DDX56: variants seen among roughly 807,000 people sequenced by gnomAD.
The protein encoded by DDX56 is probable ATP-dependent RNA helicase DDX56.
DDX56 carries 45 observed loss-of-function variants against 61.5 expected under a neutral mutation model. The observed-to-expected ratio is 0.73, with a 90% CI of 0.58 to 0.94. DDX56 has a LOEUF of 0.94. Among genes scored for constraint, DDX56 ranks in the 40% least tolerant of loss-of-function variants. DDX56 has a pLI of 0.00. For synonymous variants in DDX56, 273 were observed against 268.3 expected, an observed-to-expected ratio of 1.02 and a Z score of -0.17; for missense variants, 708 against 690.7, an observed-to-expected ratio of 1.02 and a Z score of -0.28.
At position 44,568,261 on chromosome 7, in the gene DDX56, T is replaced by C. The variant is rs1350797148; in HGVS notation, c.1384-38A>G. Reference sequence around the variant, plus strand: ...GAGGGAGAGCCACAGAGTGAGCATCTTTCTTCTGTGACTTCACAGACCTAG... The same window carrying C: ...GAGGGAGAGCCACAGAGTGAGCATCCTTCTTCTGTGACTTCACAGACCTAG... On this transcript the variant is annotated intron_variant, in intron 11 of 13. Transcript: ENST00000258772. 4 of 1,467,638 alleles carry C rather than the reference T, an allele frequency of 2.7e-6. No individual in the cohort carries two copies. The African/African-American group carries it at 4.2e-5, about 15-fold the overall frequency. 90.9% of individuals were successfully genotyped at this position (1,467,638 alleles called of 1,614,324 possible).
intron 12 of DDX56, among the ~76,000 whole-genome samples, chr7:44,566,774 C>G (rs1044200608): frequency 6.6e-6 from 1 of 152,068 alleles, no homozygotes; most frequent in Admixed American, 6.5e-5. Context: ...GACAGACATC[C>G]TTAAAGAAAG....
chr7:44,569,959 A>AC (rs1802630893), intron 8 of DDX56, 56 bp from the exon 9 acceptor site: 1 of 1,612,746 alleles, frequency 6.2e-7, no homozygotes, highest in Admixed American at 1.7e-5. Context: ...TGTCCAGCAC[A>AC]CCCCAAGTCC....
intron 6 of DDX56, 24 bp downstream of exon 6, chr7:44,571,468 A>G: frequency 2.5e-6 from 4 of 1,611,912 alleles, no homozygotes; most frequent in Non-Finnish European, 3.4e-6. Flanking sequence ...ACTTATTTCA[A>G]CCAAGATGTT....
At chr7:44,570,560 G>C (rs77344969) in intron 7 of DDX56, among the ~76,000 whole-genome samples, 198 bp downstream of exon 7, 53 of 152,366 alleles carry the variant, frequency 3.5e-4, no homozygotes, top group African/African-American at 1.3e-3. Flanking sequence ...CCTTCGTGGT[G>C]CATGTGCAGT....
chr7:44,568,320 A>AC, intron 11 of DDX56, 97 bp from the exon 12 acceptor site: 4 of 848,446 alleles, frequency 4.7e-6, no homozygotes, highest in Non-Finnish European at 5.5e-6. Flanking sequence ...TGTGTTTCAA[A>AC]AGGCATGAGG....
chr7:44,568,903 C>T lies in DDX56; in HGVS notation c.1383G>A (p.Lys461=). Residue 461 remains lysine (K), a splice_region_variant and synonymous_variant, in exon 11 of 14, where the codon AAG becomes AAA. Transcript: ENST00000258772. ...KEELLHSEKL[K]TYFEDNPRDL... is the part of the protein sequence containing the mutation. ...CCCTTCTCACCTCCCATCCACTCAC[C>T]TTAAGCTTCTCAGAATGCAGAAGCT... is the stretch of plus-strand genomic sequence containing the variant. The T allele has an allele frequency of 1.9e-6, 3 of 1,613,310 alleles. No individual in the cohort carries two copies. Among genetic ancestry groups the T allele is most frequent in the Middle Eastern group, 1.7e-4 (1 of 6,060 alleles).
chr7:44,566,132 C>CGGGGGGGGGGGGGGGGGGGGGGGGG, intron 13 of DDX56, 53 bp from the exon 14 acceptor site: 1 of 1,036,562 alleles, frequency 9.6e-7, no homozygotes, highest in Non-Finnish European at 1.4e-6. Context: ...ACAGACAATC[C>CGGGGGGGGGGGGGGGGGGGGGGGGG]ACCCACCCAC....
chr7:44,569,150 C>A lies in DDX56; in HGVS notation c.1273G>T (p.Gly425Cys). The change falls in exon 10 of 14, where the codon GGC (glycine) becomes TGC (cysteine). Residue 425 changes from glycine to cysteine, a missense_variant. Physicochemically the swap from Gly to Cys is radical, Grantham distance 159. Transcript: ENST00000258772. ...PYQFRMEEIEGFRYRCRDAMR... is the reference protein window; with the variant it reads ...PYQFRMEEIECFRYRCRDAMR... ...CTCACCCTGCAGCGATAGCGGAAGC[C>A]CTCGATCTCCTCCATCCGGAACTGG... 1.2e-6 allele frequency: 2 copies of A among 1,614,162 alleles called. No homozygotes were observed. Among genetic ancestry groups the A allele is most frequent in the African/African-American group, 2.7e-5 (2 of 75,060 alleles).
At chr7:44,567,892 T>C in intron 12 of DDX56, 1 of 575,936 alleles carries the variant, frequency 1.7e-6, no homozygotes, top group South Asian at 2.0e-5. Context: ...CTACCTCAAT[T>C]TCCTCATCTC....
rs1802699603 is a variant in DDX56 at position 44,572,397 on chromosome 7, T to C, written c.595A>G (p.Thr199Ala). ...AGTGCTTGTACGTCCTCGTTAAAAG[T>C]AGCTGACATGAGAAAAGCCTGGTAA... ...RIYQAFLMSA[T>A]FNEDVQALKE... The change falls in exon 5 of 14, where the codon ACT (threonine) becomes GCT (alanine). Residue 199 changes from threonine (T) to alanine (A), a missense_variant. By Grantham distance (58) the Thr-to-Ala change is moderately conservative (BLOSUM62 0). Coordinates refer to ENST00000258772, the MANE Select transcript of DDX56 (RefSeq NM_019082.4). 6.2e-7 allele frequency: 1 copy of C among 1,614,106 alleles called. No individual in the cohort carries two copies. The highest frequency in any genetic ancestry group is 1.3e-5 in the African/African-American group (1 of 75,032).
chr7:44,569,287 T>C lies in DDX56; in HGVS notation c.1220-84A>G, dbSNP rs534415395. On this transcript the variant is annotated intron_variant, in intron 9 of 13. Transcript: ENST00000258772. ...TTGGAGGCCTCCTGCACCTCCCCCT[T>C]GGGGGAAAGCAGCAGGGGACCCACC... 6 of 1,322,236 alleles carry C rather than the reference T, an allele frequency of 4.5e-6. No individual in the cohort carries two copies. In the East Asian group the frequency reaches 1.2e-4, roughly 26 times the overall value. 81.9% of individuals were successfully genotyped at this position (1,322,236 alleles called of 1,614,324 possible).
rs780018196 is a variant in DDX56 at position 44,568,927 on chromosome 7, C to T, written c.1359G>A (p.Glu453=). Residue 453 remains glutamate (E), a synonymous_variant, in exon 11 of 14, where the codon GAG becomes GAA. Transcript: ENST00000258772. ...REARLKEIKE[E]LLHSEKLKTY... is the part of the protein sequence containing the mutation. The stretch of plus-strand genomic sequence containing the variant: ...CCTTAAGCTTCTCAGAATGCAGAAG[C>T]TCTTCCTTGATCTCCTTCAATCTTG... The T allele has an allele frequency of 3.7e-6, 6 of 1,614,156 alleles. No homozygotes were observed. In the East Asian group the frequency reaches 1.1e-4, roughly 30 times the overall value.
chr7:44,573,171 T>TC, intron 2 of DDX56, 121 bp from the exon 3 acceptor site: 1 of 871,106 alleles, frequency 1.1e-6, no homozygotes, highest in Non-Finnish European at 1.7e-6. Context: ...ACTTTGATCA[T>TC]CTATCACTCT....
At chr7:44,571,281 C>T (rs559431456) in intron 6 of DDX56, among the ~76,000 whole-genome samples, 4 of 152,296 alleles carry the variant, frequency 2.6e-5, no homozygotes, top group African/African-American at 7.2e-5. Context: ...TCAGGCGATC[C>T]GCCCACCTCG....
intron 2 of DDX56, 142 bp from the exon 3 acceptor site, chr7:44,573,192 G>A: frequency 1.3e-6 from 1 of 746,518 alleles, no homozygotes; most frequent in Non-Finnish European, 2.1e-6. Flanking sequence ...GCCCGCCTCA[G>A]AATGCAGAGT....
chr7:44,573,222 C>A (rs944641608), intron 2 of DDX56, among the ~76,000 whole-genome samples, 172 bp from the exon 3 acceptor site: 2 of 152,188 alleles, frequency 1.3e-5, no homozygotes, highest in African/African-American at 2.4e-5. Context: ...TTTCCCCAGG[C>A]ACTGACCCTC....
rs1168767679 is a variant in DDX56, at chr7:44,572,956, G to T, written c.317C>A (p.Ala106Asp). 1.2e-6 allele frequency: 2 copies of T among 1,613,278 alleles called. No homozygotes were observed. Among genetic ancestry groups the T allele is most frequent in the East Asian group, 2.2e-5 (1 of 44,882 alleles). ...RQAQSMIQQL[A>D]TYCARDVRVA... is the part of the protein sequence containing the mutation. ...TCGGACATCCCGAGCACAGTAGGTA[G>T]CCAGCTGCTGAATCATGGACTGTGC... The change falls in exon 3 of 14, where the codon GCT becomes GAT. Residue 106 changes from alanine to aspartate, a missense_variant. Physicochemically the swap from Ala to Asp is moderately radical, Grantham distance 126 (BLOSUM62 -2). Coordinates refer to ENST00000258772, the MANE Select transcript of DDX56 (RefSeq NM_019082.4).
Position 44,573,705 on chromosome 7 carries a change from G to A in DDX56, c.100C>T (p.Gln34Ter). Residue 34 changes from glutamine (Q) to a stop codon, truncating the protein, a stop_gained, in exon 2 of 14, where the codon CAG (glutamine) becomes TAG (stop). Coordinates refer to ENST00000258772, the MANE Select transcript of DDX56 (RefSeq NM_019082.4). LOFTEE classifies it high-confidence loss of function. ...DLGWSRPTLIQEKAIPLALEG... is the reference protein window; with the variant it reads ...DLGWSRPTLI Reference sequence around the variant, plus strand: ...AGGGCCAGTGGGATGGCCTTCTCCTGGATCAGCGTAGGTCGCGACCAGCCC... The same window carrying A: ...AGGGCCAGTGGGATGGCCTTCTCCTAGATCAGCGTAGGTCGCGACCAGCCC... 6.2e-7 allele frequency: 1 copy of A among 1,613,722 alleles called. No homozygotes were observed. The highest frequency in any genetic ancestry group is 8.5e-7 in the Non-Finnish European group (1 of 1,180,028).
At position 44,572,761 on chromosome 7, in the gene DDX56, C is replaced by A. The variant is rs1802709975; in HGVS notation, c.384-17G>T. On this transcript the variant is annotated splice_polypyrimidine_tract_variant and intron_variant, in intron 3 of 13. Transcript: ENST00000258772. The stretch of plus-strand genomic sequence containing the variant: ...AGCACAGCTCTGGAGGTGGACAAGA[C>A]ATCAGTATCAGGCAGAATGTAGCAG... 1.9e-6 allele frequency: 3 copies of A among 1,613,832 alleles called. No individual in the cohort carries two copies. The Admixed American group carries it at 5.0e-5, about 27-fold the overall frequency.
Sources: allele counts gnomAD v4.1 joint callset (sites outside exome capture counted in the v4.1 genomes callset), GRCh38; gene constraint gnomAD v4.1.1; transcripts MANE v1.5; gene names NCBI Gene and HGNC (gene_info 2026-07-23, HGNC 2026-07-21).